FANCD2: variants seen among roughly 807,000 people sequenced by gnomAD.
FANCD2 encodes the protein Fanconi anemia group D2 protein.
A neutral mutation model predicts 192.3 loss-of-function variants in FANCD2; 131 were observed. The ratio of observed to expected loss-of-function variants is 0.68; its 90% CI spans 0.59 to 0.79. FANCD2 has a LOEUF of 0.79. FANCD2 is among the 30% of genes least tolerant of loss of function. The pLI, the probability that FANCD2 is intolerant of heterozygous loss-of-function variation, is 0.00. For synonymous variants in FANCD2, 524 were observed against 612.5 expected (o/e 0.86, Z 2.13); for missense variants, 1,508 against 1,701.6 (o/e 0.89, Z 2.00).
intron 10 of FANCD2, 50 bp from the exon 11 acceptor site, chr3:10,042,509 T>G: frequency 1.5e-6 from 2 of 1,312,062 alleles, no homozygotes; most frequent in Non-Finnish European, 2.2e-6. Flanking sequence ...AGTACAAAGT[T>G]GAGGTAGTGA....
intron 2 of FANCD2, among the ~76,000 whole-genome samples, chr3:10,029,304 A>T (rs1285547439): frequency 6.6e-6 from 1 of 152,194 alleles, no homozygotes; most frequent in African/African-American, 2.4e-5. Flanking sequence ...GTTCAAGACC[A>T]GCCTGGGTAA....
At position 10,095,289 on chromosome 3, in the gene FANCD2, A is replaced by C; in HGVS notation, c.4038+15A>C. ...GGCATTCCAAGGTAAGAAGGGGAGC[A>C]GGTTCTATCAGCAGCCTGCCTGTTG... On this transcript the variant is annotated intron_variant, in intron 41 of 43. Transcript: ENST00000675286. 1 of 1,610,500 alleles carries C rather than the reference A, an allele frequency of 6.2e-7. No homozygotes were observed. The highest frequency in any genetic ancestry group is 8.5e-7 in the Non-Finnish European group (1 of 1,177,082).
At chr3:10,060,733 A>G (rs36103262) in intron 19 of FANCD2, among the ~76,000 whole-genome samples, 1 of 152,212 alleles carries the variant, frequency 6.6e-6, no homozygotes, top group Non-Finnish European at 1.5e-5. Flanking sequence ...GCACTAGACA[A>G]TGCAGGTGTC....
At chr3:10,034,299 T>A (rs113771705) in intron 3 of FANCD2, among the ~76,000 whole-genome samples, 170 bp from the exon 4 acceptor site, 1 of 130,820 alleles carries the variant, frequency 7.6e-6, no homozygotes, top group Non-Finnish European at 1.6e-5. Context: ...CACTCCAGCC[T>A]AGGCAACAGA....
At chr3:10,032,347 C>CATAGCTCACT (rs1449233889) in intron 2 of FANCD2, 1 of 408,686 alleles carries the variant, frequency 2.4e-6, no homozygotes, top group Admixed American at 3.1e-5. Context: ...GTGGTAATAT[C>CATAGCTCACT]ATAGCTCACT....
intron 30 of FANCD2, among the ~76,000 whole-genome samples, chr3:10,078,576 A>C (rs185174772): frequency 6.6e-6 from 1 of 151,382 alleles, no homozygotes; most frequent in South Asian, 2.1e-4. Context: ...GGATGGTCTC[A>C]ATCTCCTGAC....
At chr3:10,074,433 A>G (rs1406547675) in intron 28 of FANCD2, 97 bp from the exon 29 acceptor site, 3 of 1,114,362 alleles carry the variant, frequency 2.7e-6, no homozygotes, top group African/African-American at 3.2e-5. Flanking sequence ...AATTTTTTGC[A>G]TTAAATAAAT....
chr3:10,031,501 C>CAA (rs796241281), intron 2 of FANCD2, among the ~76,000 whole-genome samples: 20 of 87,100 alleles, frequency 2.3e-4, no homozygotes, highest in African/African-American at 5.2e-4. Context: ...GACTCCATTT[C>CAA]AAAAAAAAAA....
chr3:10,068,289 C>T (rs1475032299), intron 26 of FANCD2, among the ~76,000 whole-genome samples: 1 of 151,888 alleles, frequency 6.6e-6, no homozygotes, highest in African/African-American at 2.4e-5. Flanking sequence ...AGTAAAGTTG[C>T]AAGATACAAA....
Position 10,101,265 on chromosome 3 carries a change from C to T in FANCD2, c.*3C>T, listed in dbSNP as rs3172417. On this transcript the variant is annotated 3_prime_UTR_variant, in exon 44 of 44. Coordinates refer to ENST00000675286, the MANE Select transcript of FANCD2 (RefSeq NM_001018115.3). ...AGAGTTATGATGACTCTGATTAGACCCCAGATAAATTGTTGCCTGCTTCTG... is the reference window on the plus strand; with the variant it reads ...AGAGTTATGATGACTCTGATTAGACTCCAGATAAATTGTTGCCTGCTTCTG... 0.38 allele frequency: 602,735 copies of T among 1,598,442 alleles called. 122,502 individuals carry two copies. The highest frequency in any genetic ancestry group is 0.42 in the Non-Finnish European group (486,020 of 1,166,004).
In FANCD2 at chr3:10,052,433, A is replaced by G; in HGVS notation, c.1592A>G (p.Lys531Arg). The G allele has an allele frequency of 6.2e-7, 1 of 1,613,366 alleles. No homozygotes were observed. Among genetic ancestry groups the G allele is most frequent in the Non-Finnish European group, 8.5e-7 (1 of 1,179,940 alleles). The part of the protein sequence containing the change: ...LDNISPQQIR[K>R]LFYVLSTLAF... ...AACATATCCCCTCAGCAAATACGAAAACTCTTCTATGTTCTCAGCACACTG... is the reference window on the plus strand; with the variant it reads ...AACATATCCCCTCAGCAAATACGAAGACTCTTCTATGTTCTCAGCACACTG... The change falls in exon 18 of 44, where the codon AAA becomes AGA. Residue 531 changes from lysine (K) to arginine (R), a missense_variant. Transcript: ENST00000675286.
rs1444620817 is a variant in FANCD2, at chr3:10,047,249, T to A, written c.1278+526T>A. 1.3e-5 allele frequency among the ~76,000 whole-genome samples: 2 copies of A among 152,302 alleles called. 1 individual carries two copies. The highest frequency in any genetic ancestry group is 3.8e-4 in the East Asian group (2 of 5,208). On this transcript the variant is annotated intron_variant, in intron 15 of 43. Transcript: ENST00000675286. Reference sequence around the variant, plus strand: ...ATTTAACGGTTGTATTATTTTATCTTGCAGTTCTTTCTGTGTTTATTTCTG... The same window carrying A: ...ATTTAACGGTTGTATTATTTTATCTAGCAGTTCTTTCTGTGTTTATTTCTG...
chr3:10,078,087 G>A lies in FANCD2; in HGVS notation c.2866G>A (p.Glu956Lys). 1 of 1,608,046 alleles carries A rather than the reference G, an allele frequency of 6.2e-7. No homozygotes were observed. Among genetic ancestry groups the A allele is most frequent in the Middle Eastern group, 1.7e-4 (1 of 6,050 alleles). The change falls in exon 30 of 44, where the codon GAA becomes AAA. Residue 956 changes from glutamate (E) to lysine (K), a missense_variant. Physicochemically the swap from Glu to Lys is moderately conservative, Grantham distance 56. This residue lies in a region of FANCD2 where 796 missense variants were observed against 879.4 expected (regional missense o/e 0.91). Transcript: ENST00000675286. ...LDTEMHTEAT[E>K]VVQLGPPELL... ...CCTTTCCTCCATGTGACAGGCTACA[G>A]AAGTTGTGCAACTTGGGCCCCCTGA...
intron 21 of FANCD2, 43 bp downstream of exon 21, chr3:10,063,954 C>T (rs1158558717): frequency 6.2e-7 from 1 of 1,613,924 alleles, no homozygotes; most frequent in Admixed American, 1.7e-5. Context: ...AGCATGAGAG[C>T]TGCTTTACTA....
chr3:10,035,414 G>C (rs1214360555), intron 6 of FANCD2, among the ~76,000 whole-genome samples, 181 bp downstream of exon 6: 4 of 152,140 alleles, frequency 2.6e-5, no homozygotes, highest in Non-Finnish European at 5.9e-5. Context: ...TTTTAAAACT[G>C]TGCTTATTAG....
intron 20 of FANCD2, 36 bp downstream of exon 20, chr3:10,062,247 C>CTTTT: frequency 3.0e-6 from 4 of 1,340,300 alleles, no homozygotes; most frequent in South Asian, 1.3e-5. Flanking sequence ...TTTTTCCTGT[C>CTTTT]TTTTTTTTTT....
At chr3:10,043,292 A>G in intron 12 of FANCD2, 142 bp downstream of exon 12, 1 of 789,918 alleles carries the variant, frequency 1.3e-6, no homozygotes, top group Non-Finnish European at 2.2e-6. Flanking sequence ...ACATATATGT[A>G]TGTGAGTATG....
intron 1 of FANCD2, among the ~76,000 whole-genome samples, chr3:10,026,979 T>TGG (rs34527587): frequency 4.3e-5 from 4 of 93,444 alleles, no homozygotes; most frequent in Admixed American, 1.8e-4. Context: ...GAAGCCAGAC[T>TGG]CCGAGTTAGA....
At chr3:10,066,181 G>T (rs940240794) in intron 25 of FANCD2, among the ~76,000 whole-genome samples, 2 of 152,122 alleles carry the variant, frequency 1.3e-5, no homozygotes, top group Non-Finnish European at 2.9e-5. Context: ...ACTTCACATT[G>T]CCCATGCTTT....
Sources: gnomAD v4.1 joint callset for allele counts (sites outside exome capture counted in the v4.1 genomes callset) on GRCh38, gnomAD v4.1.1 for gene constraint, gnomAD v4.1.1 regional missense constraint, MANE v1.5 for transcripts, NCBI Gene and HGNC (gene_info 2026-07-23, HGNC 2026-07-21) for gene names.